The following AIG1 variants were observed in gnomAD, a reference collection of about 807,000 sequenced individuals.
AIG1 encodes the protein androgen-induced gene 1 protein.
Under a neutral mutation model 31.4 loss-of-function variants are expected in AIG1, and 23 were observed. The ratio of observed to expected loss-of-function variants is 0.73; its 90% CI spans 0.53 to 1.04. AIG1 has a LOEUF of 1.04. Ranked by LOEUF, AIG1 falls within the 50% of genes least tolerant of loss-of-function variation. AIG1 has a pLI of 0.00. For missense variants in AIG1, 274 were observed against 295.0 expected, an observed-to-expected ratio of 0.93 and a Z score of 0.52; for synonymous variants, 100 against 110.5, an observed-to-expected ratio of 0.90 and a Z score of 0.60.
intron 2 of AIG1, among the ~76,000 whole-genome samples, chr6:143,151,478 A>G (rs940396390): frequency 6.7e-6 from 1 of 150,068 alleles, no homozygotes; most frequent in African/African-American, 2.5e-5. Context: ...TTTTTAATGT[A>G]TATAATCTAA....
chr6:143,341,362 G>A (rs965741874), downstream of AIG1, among the ~76,000 whole-genome samples: 3 of 152,072 alleles, frequency 2.0e-5, no homozygotes, highest in Non-Finnish European at 2.9e-5. Context: ...CTCTATTATG[G>A]GTTACATTGT....
At chr6:143,236,408 T>C (rs1411705020) in intron 3 of AIG1, among the ~76,000 whole-genome samples, 1 of 152,276 alleles carries the variant, frequency 6.6e-6, no homozygotes, top group African/African-American at 2.4e-5. Context: ...ATTCAGTCTT[T>C]GGTGTCCCTT....
intron 3 of AIG1, among the ~76,000 whole-genome samples, chr6:143,209,597 C>T (rs1195486952): frequency 6.6e-6 from 1 of 152,158 alleles, no homozygotes; most frequent in Non-Finnish European, 1.5e-5. Context: ...CACTCTAGAT[C>T]TGGGAAGTGC....
intron 2 of AIG1, among the ~76,000 whole-genome samples, chr6:143,159,371 T>C (rs1326144579): frequency 6.6e-6 from 1 of 152,122 alleles, no homozygotes; most frequent in Non-Finnish European, 1.5e-5. Context: ...GTAGAGATAA[T>C]GAAGAACAGA....
At chr6:143,094,988 G>C (rs549758430) in intron 1 of AIG1, among the ~76,000 whole-genome samples, 7 of 152,244 alleles carry the variant, frequency 4.6e-5, no homozygotes, top group African/African-American at 1.7e-4. Flanking sequence ...AGTTGAAAAG[G>C]GGAGTGGATG....
At chr6:143,343,232 T>C, downstream of AIG1, 1 of 670,732 alleles carries the variant, frequency 1.5e-6, no homozygotes, top group Non-Finnish European at 2.9e-6. Context: ...GGAAATTTTT[T>C]GATTATGCAG....
chr6:143,184,191 A>G (rs1318469549), intron 3 of AIG1, among the ~76,000 whole-genome samples: 3 of 152,200 alleles, frequency 2.0e-5, no homozygotes, highest in Non-Finnish European at 4.4e-5. Flanking sequence ...TCAATAGCCA[A>G]TAGCTTTAGG....
At chr6:143,308,977 A>G (rs775153970) in intron 4 of AIG1, among the ~76,000 whole-genome samples, 41 of 152,048 alleles carry the variant, frequency 2.7e-4, no homozygotes, top group Admixed American at 6.5e-5. Context: ...AAAACTACAA[A>G]TACCAAAGCC....
At chr6:143,228,994 T>C (rs965085890) in intron 3 of AIG1, among the ~76,000 whole-genome samples, 2 of 152,186 alleles carry the variant, frequency 1.3e-5, no homozygotes, top group African/African-American at 4.8e-5. Context: ...GCCATTGCCA[T>C]GATAGAAACC....
In AIG1 at chr6:143,061,022, C is replaced by T; in HGVS notation, c.97C>T (p.Gln33Ter). Residue 33 changes from glutamine to a stop codon, truncating the protein, a stop_gained, in exon 1 of 6, where the codon CAG (glutamine) becomes TAG (stop). Coordinates refer to ENST00000357847, the MANE Select transcript of AIG1 (RefSeq NM_016108.4). LOFTEE classifies it high-confidence loss of function. ...NYKAIEMPSHQTYGGSWKFLT... is the reference protein window; with the variant it reads ...NYKAIEMPSH ...CAAGGCCATCGAAATGCCCTCACAC[C>T]AGACCTACGGAGGGAGCTGGAAATT... 6.2e-7 allele frequency: 1 copy of T among 1,613,604 alleles called. No individual in the cohort carries two copies. The highest frequency in any genetic ancestry group is 8.5e-7 in the Non-Finnish European group (1 of 1,179,798).
chr6:143,295,094 A>G (rs1429647737), intron 4 of AIG1, among the ~76,000 whole-genome samples: 2 of 152,106 alleles, frequency 1.3e-5, no homozygotes, highest in Non-Finnish European at 2.9e-5. Flanking sequence ...TCCCCTTGTC[A>G]TCATCCCAAA....
At chr6:143,261,932 G>A (rs1044599523) in intron 3 of AIG1, among the ~76,000 whole-genome samples, 30 of 152,194 alleles carry the variant, frequency 2.0e-4, no homozygotes, top group African/African-American at 7.0e-4. Flanking sequence ...AAAAGCTAAT[G>A]GTTAGTTTAC....
At chr6:143,075,690 G>A (rs976234470) in intron 1 of AIG1, among the ~76,000 whole-genome samples, 1 of 151,916 alleles carries the variant, frequency 6.6e-6, no homozygotes, top group African/African-American at 2.4e-5. Flanking sequence ...TTCTTAATGG[G>A]GAAGCTTACA....
intron 4 of AIG1, among the ~76,000 whole-genome samples, chr6:143,322,995 A>G (rs753084516): frequency 6.6e-6 from 1 of 152,196 alleles, no homozygotes; most frequent in Non-Finnish European, 1.5e-5. Context: ...CAAAAACTAC[A>G]TTATCTGATG....
chr6:143,339,540 A>G, intron 5 of AIG1, 99 bp from the exon 6 acceptor site: 1 of 1,218,408 alleles, frequency 8.2e-7, no homozygotes, highest in Admixed American at 1.9e-5. Flanking sequence ...AAGTGAGGGC[A>G]GATGAGTGGA....
intron 1 of AIG1, among the ~76,000 whole-genome samples, chr6:143,094,586 A>T (rs1382333274): frequency 6.6e-6 from 1 of 152,152 alleles, no homozygotes; most frequent in Non-Finnish European, 1.5e-5. Flanking sequence ...TATTTTACTA[A>T]ATTGAGCTAG....
rs1318421385 is a variant in AIG1, at chr6:143,280,525, A to G, written c.400-3585A>G. Among the ~76,000 whole-genome samples, 1 of 152,254 alleles carries G rather than the reference A, an allele frequency of 6.6e-6. No homozygotes were observed. The highest frequency in any genetic ancestry group is 1.5e-5 in the Non-Finnish European group (1 of 68,042). On this transcript the variant is annotated intron_variant, in intron 3 of 5. Transcript: ENST00000357847. This position sits in a 1 kb window ranked among gnomAD's most constrained non-coding sequence, Gnocchi z 4.1. ...GGAAAATGTGGTACCTGTACACCAC[A>G]GAATACTATGCAGCCGTAAAAAAGA...
At chr6:143,190,906 A>G (rs1001306599) in intron 3 of AIG1, among the ~76,000 whole-genome samples, 2 of 152,170 alleles carry the variant, frequency 1.3e-5, no homozygotes, top group Non-Finnish European at 2.9e-5. Context: ...AATGTTGGTC[A>G]ACCCTGGATG....
At chr6:143,098,473 A>G (rs1779983786) in intron 1 of AIG1, among the ~76,000 whole-genome samples, 1 of 152,114 alleles carries the variant, frequency 6.6e-6, no homozygotes, top group African/African-American at 2.4e-5. Flanking sequence ...TCAATGTTGA[A>G]TTCCTGAGAA....
Sources: gnomAD v4.1 joint callset for allele counts (sites outside exome capture counted in the v4.1 genomes callset) on GRCh38, gnomAD v4.1.1 for gene constraint, Gnocchi (gnomAD v3.1) non-coding constraint, MANE v1.5 for transcripts, NCBI Gene and HGNC (gene_info 2026-07-23, HGNC 2026-07-21) for gene names.